Variants in AFG2A observed in about 807,000 individuals in gnomAD.
The protein encoded by AFG2A is ATPase family gene 2 protein homolog A.
chr4:123,076,876 GTACCAC>G, the AFG2A span, among the ~76,000 whole-genome samples: 2 of 151,646 alleles, frequency 1.3e-5, no homozygotes, highest in African/African-American at 4.8e-5. Flanking sequence ...TGTTTCAGAA[GTACCAC>G]AGATTTATAC....
the AFG2A span, among the ~76,000 whole-genome samples, chr4:123,173,708 T>TA: frequency 1.1e-4 from 17 of 152,180 alleles, no homozygotes; most frequent in East Asian, 9.6e-4. Flanking sequence ...GTTTAACATT[T>TA]AAAAAATCAA....
the AFG2A span, among the ~76,000 whole-genome samples, chr4:122,968,649 C>A: frequency 6.6e-6 from 1 of 152,142 alleles, no homozygotes; most frequent in Non-Finnish European, 1.5e-5. Context: ...CTTGCACATG[C>A]CTTTTGCTGC....
the AFG2A span, among the ~76,000 whole-genome samples, chr4:123,224,493 G>C: frequency 6.6e-6 from 1 of 152,202 alleles, no homozygotes; most frequent in Admixed American, 6.5e-5. Flanking sequence ...AGTTTGCTGA[G>C]AATGATGGTT....
the AFG2A span, among the ~76,000 whole-genome samples, chr4:123,102,679 A>G: frequency 6.6e-6 from 1 of 151,932 alleles, no homozygotes; most frequent in Non-Finnish European, 1.5e-5. Context: ...GCCAAAACCT[A>G]AATCTGGGAC....
chr4:122,942,701 T>C, the AFG2A span, among the ~76,000 whole-genome samples: 1 of 152,094 alleles, frequency 6.6e-6, no homozygotes, highest in African/African-American at 2.4e-5. Flanking sequence ...TGCTCTTGCT[T>C]TTCTAGTTCT....
chr4:122,960,851 A>G, the AFG2A span, among the ~76,000 whole-genome samples: 3 of 152,186 alleles, frequency 2.0e-5, no homozygotes, highest in Admixed American at 2.0e-4. Flanking sequence ...TATGTATGTA[A>G]TAGTCCAACT....
chr4:122,987,733 G>C, the AFG2A span, among the ~76,000 whole-genome samples: 1 of 151,998 alleles, frequency 6.6e-6, no homozygotes, highest in Non-Finnish European at 1.5e-5. Flanking sequence ...TTATGTTACT[G>C]ATGTCACGTT....
chr4:122,976,492 T>C, the AFG2A span, among the ~76,000 whole-genome samples: 1 of 152,232 alleles, frequency 6.6e-6, no homozygotes, highest in African/African-American at 2.4e-5. Flanking sequence ...TAGTACCTTT[T>C]ATTCTACGTC....
At chr4:123,028,342 A>G in the AFG2A span, 1 of 1,614,174 alleles carries the variant, frequency 6.2e-7, no homozygotes, top group Non-Finnish European at 8.5e-7. Context: ...CTCTAAAACA[A>G]TGATAGCAAA....
the AFG2A span, among the ~76,000 whole-genome samples, chr4:122,926,001 A>G: frequency 6.6e-6 from 1 of 152,242 alleles, no homozygotes; most frequent in Non-Finnish European, 1.5e-5. Context: ...GGGAAATTAG[A>G]TGTTGACATA....
chr4:122,956,321 A>T, the AFG2A span, among the ~76,000 whole-genome samples: 258 of 152,318 alleles, frequency 1.7e-3, no homozygotes, highest in African/African-American at 5.9e-3. Flanking sequence ...GAATCCTCCT[A>T]CCAACCCTGT....
the AFG2A span, among the ~76,000 whole-genome samples, chr4:122,982,117 G>C: frequency 6.6e-6 from 1 of 152,096 alleles, no homozygotes. Flanking sequence ...TCATTGTTGG[G>C]TATGATGTTA....
the AFG2A span, among the ~76,000 whole-genome samples, chr4:123,095,031 A>AC: frequency 6.0e-4 from 5 of 8,302 alleles, no homozygotes; most frequent in African/African-American, 1.2e-3. Context: ...CCCTCCCCAC[A>AC]AAAAAAAAAA....
the AFG2A span, among the ~76,000 whole-genome samples, chr4:123,075,035 C>A: frequency 3.3e-5 from 5 of 152,138 alleles, no homozygotes; most frequent in Non-Finnish European, 5.9e-5. Context: ...CCTCTGCCTC[C>A]TGGGTTCAAG....
At chr4:123,306,417 G>A in the AFG2A span, among the ~76,000 whole-genome samples, 2 of 152,176 alleles carry the variant, frequency 1.3e-5, no homozygotes, top group South Asian at 2.1e-4. Context: ...GCATGTCTTC[G>A]TCTAGCTCTG....
At chr4:123,138,864 A>T in the AFG2A span, among the ~76,000 whole-genome samples, 4 of 152,066 alleles carry the variant, frequency 2.6e-5, no homozygotes, top group Admixed American at 6.5e-5. Context: ...AGGATACCAG[A>T]GTTGAATAAA....
the AFG2A span, among the ~76,000 whole-genome samples, chr4:123,107,533 C>T: frequency 6.6e-6 from 1 of 152,280 alleles, no homozygotes; most frequent in East Asian, 1.9e-4. Context: ...CCTAAGTTCT[C>T]ACTCTGGGCC....
At chr4:123,145,059 C>T in the AFG2A span, among the ~76,000 whole-genome samples, 4 of 151,888 alleles carry the variant, frequency 2.6e-5, no homozygotes, top group East Asian at 1.9e-4. Flanking sequence ...TTGTTTATCC[C>T]GAAATTGGAA....
At chr4:122,948,490 T>C in the AFG2A span, among the ~76,000 whole-genome samples, 1 of 151,930 alleles carries the variant, frequency 6.6e-6, no homozygotes, top group Non-Finnish European at 1.5e-5. Context: ...TTTATTGATA[T>C]ATTGTGCTGT....
Sources: gnomAD v4.1 joint callset for allele counts (sites outside exome capture counted in the v4.1 genomes callset) on GRCh38, gnomAD v4.1.1 for gene constraint, MANE v1.5 for transcripts, NCBI Gene and HGNC (gene_info 2026-07-23, HGNC 2026-07-21) for gene names.